TMEM131: variants seen among roughly 807,000 people sequenced by gnomAD.
TMEM131 encodes 2610524E03Rik.
In TMEM131, 66 loss-of-function variants were observed where a neutral mutation model predicts 211.6. The observed-to-expected ratio is 0.31, with a 90% CI of 0.26 to 0.38. TMEM131 has a LOEUF of 0.38. TMEM131 is among the 10% of genes least tolerant of loss of function. The probability of loss-of-function intolerance (pLI) is 1.00; values close to 1 mark genes in which losing one functional copy is unlikely to be tolerated. For synonymous variants in TMEM131, 844 were observed against 841.3 expected, an observed-to-expected ratio of 1.00 and a Z score of -0.06; for missense variants, 2,036 against 2,299.3, an observed-to-expected ratio of 0.89 and a Z score of 2.34.
At chr2:97,981,905 T>C (rs578001391) in intron 1 of TMEM131, among the ~76,000 whole-genome samples, 48 of 152,358 alleles carry the variant, frequency 3.2e-4, no homozygotes, top group African/African-American at 1.1e-3. Context: ...CTCATTTCTA[T>C]GGCTGAATAA....
intron 5 of TMEM131, among the ~76,000 whole-genome samples, chr2:97,850,995 C>G (rs908207806): frequency 1.3e-5 from 2 of 150,976 alleles, no homozygotes; most frequent in Admixed American, 1.3e-4. Context: ...CTGCCACTAT[C>G]GGAACTGGAC....
intron 1 of TMEM131, among the ~76,000 whole-genome samples, chr2:97,989,172 T>C (rs1483017625): frequency 1.3e-5 from 2 of 152,020 alleles, no homozygotes; most frequent in African/African-American, 4.8e-5. Context: ...TATTGAAATA[T>C]ATGTATGTTG....
chr2:97,903,676 G>GGTTT (rs151007374), intron 3 of TMEM131, among the ~76,000 whole-genome samples: 1 of 151,896 alleles, frequency 6.6e-6, no homozygotes, highest in African/African-American at 2.4e-5. Context: ...ACTCTAGCTG[G>GGTTT]GTTTGTTTGT....
At chr2:97,815,121 T>C in intron 13 of TMEM131, 78 bp downstream of exon 13, 1 of 752,824 alleles carries the variant, frequency 1.3e-6, no homozygotes, top group Non-Finnish European at 2.0e-6. Flanking sequence ...GGCTAGTATT[T>C]CTGCAGGTCA....
In TMEM131 at chr2:97,901,394, T is replaced by C. The variant is rs188090631; in HGVS notation, c.290+7264A>G. Reference sequence around the variant, plus strand: ...TCCATTTTGAGTTGATTTTTGTATATGGTGAGAGATAAGAGTTGACCCAGC... The same window carrying C: ...TCCATTTTGAGTTGATTTTTGTATACGGTGAGAGATAAGAGTTGACCCAGC... On this transcript the variant is annotated intron_variant, in intron 3 of 40. Coordinates refer to ENST00000186436, the MANE Select transcript of TMEM131 (RefSeq NM_015348.2). Among the ~76,000 whole-genome samples, 35 of 151,998 alleles carry C rather than the reference T, an allele frequency of 2.3e-4. No homozygotes were observed. The East Asian group carries it at 6.8e-3, about 29-fold the overall frequency.
In TMEM131 at chr2:97,899,749, A is replaced by G. The variant is rs12052910; in HGVS notation, c.290+8909T>C. ...GGAATTTATCCTACACATAAACTTTATATCTATCCCTTTCCCTATTTGACA... is the reference window on the plus strand; with the variant it reads ...GGAATTTATCCTACACATAAACTTTGTATCTATCCCTTTCCCTATTTGACA... On this transcript the variant is annotated intron_variant, in intron 3 of 40. Coordinates refer to ENST00000186436, the MANE Select transcript of TMEM131 (RefSeq NM_015348.2). Among the ~76,000 whole-genome samples, 54 of 152,236 alleles carry G rather than the reference A, an allele frequency of 3.5e-4. 1 individual carries two copies. In the East Asian group the frequency reaches 9.1e-3, roughly 26 times the overall value.
intron 31 of TMEM131, among the ~76,000 whole-genome samples, chr2:97,790,610 A>G (rs1680458139): frequency 6.6e-6 from 1 of 152,240 alleles, no homozygotes. Context: ...TGACACAGGA[A>G]TGAGGTAGTC....
At chr2:97,843,066 T>TAAA (rs750074318) in intron 6 of TMEM131, among the ~76,000 whole-genome samples, 3,028 of 134,498 alleles carry the variant, frequency 0.023, 125 homozygotes, top group African/African-American at 0.081. Flanking sequence ...AGGAAATGTT[T>TAAA]AAAAAAAAAA....
intron 1 of TMEM131, among the ~76,000 whole-genome samples, chr2:97,974,371 A>G (rs1445047939): frequency 3.9e-5 from 6 of 152,184 alleles, no homozygotes; most frequent in African/African-American, 1.4e-4. Flanking sequence ...TAATGCCTGC[A>G]GAACTGGAAT....
chr2:97,945,121 A>G (rs976575235), intron 1 of TMEM131, among the ~76,000 whole-genome samples: 3 of 152,198 alleles, frequency 2.0e-5, no homozygotes, highest in Non-Finnish European at 2.9e-5. Context: ...TTAATGGAGT[A>G]TTTTTCAGCC....
At chr2:97,785,687 G>A (rs1382928140) in intron 31 of TMEM131, among the ~76,000 whole-genome samples, 1 of 152,176 alleles carries the variant, frequency 6.6e-6, no homozygotes, top group African/African-American at 2.4e-5. Context: ...GAGAAATGAA[G>A]TTCTGTGTTC....
intron 26 of TMEM131, 115 bp downstream of exon 26, chr2:97,797,250 G>T: frequency 1.9e-6 from 2 of 1,078,688 alleles, no homozygotes; most frequent in Non-Finnish European, 2.7e-6. Flanking sequence ...TGCATGTTTT[G>T]GACAAAGTGA....
intron 4 of TMEM131, among the ~76,000 whole-genome samples, chr2:97,878,340 TCATTACTGGGTATATAC>T (rs1441961841): frequency 1.3e-5 from 2 of 152,162 alleles, no homozygotes; most frequent in Non-Finnish European, 2.9e-5. Flanking sequence ...CCCAGCAATC[TCATTACTGGGTATATAC>T]CCAAAGGACT....
At chr2:97,866,156 C>A (rs1674263878) in intron 4 of TMEM131, among the ~76,000 whole-genome samples, 1 of 152,218 alleles carries the variant, frequency 6.6e-6, no homozygotes, top group Non-Finnish European at 1.5e-5. Flanking sequence ...GCAGGGATTA[C>A]AGGCGTGAGC....
intron 4 of TMEM131, among the ~76,000 whole-genome samples, chr2:97,884,951 TC>T (rs1309332301): frequency 6.6e-6 from 1 of 152,260 alleles, no homozygotes; most frequent in African/African-American, 2.4e-5. Context: ...CATATTGTTC[TC>T]TGGATGTTTT....
intron 32 of TMEM131, among the ~76,000 whole-genome samples, chr2:97,772,840 T>C (rs1679531204): frequency 6.6e-6 from 1 of 152,358 alleles, no homozygotes; most frequent in Middle Eastern, 3.4e-3. Flanking sequence ...GGGGTTGCAG[T>C]GAGCTGAGAT....
intron 4 of TMEM131, among the ~76,000 whole-genome samples, chr2:97,877,631 G>C (rs745497746): frequency 6.6e-6 from 1 of 152,200 alleles, no homozygotes; most frequent in Non-Finnish European, 1.5e-5. Flanking sequence ...AATAAATGGT[G>C]TTGGGAAAAC....
chr2:97,810,501 G>A (rs1355062605), intron 18 of TMEM131, among the ~76,000 whole-genome samples: 3 of 152,096 alleles, frequency 2.0e-5, no homozygotes, highest in Non-Finnish European at 4.4e-5. Flanking sequence ...AAACATCTAT[G>A]AGGGCAAAGG....
intron 33 of TMEM131, among the ~76,000 whole-genome samples, chr2:97,769,080 C>G (rs1679339507): frequency 6.7e-6 from 1 of 149,478 alleles, no homozygotes; most frequent in African/African-American, 2.4e-5. Context: ...GGGCTCTATG[C>G]AGTCTCTAAC....
Sources: allele counts gnomAD v4.1 joint callset (sites outside exome capture counted in the v4.1 genomes callset), GRCh38; gene constraint gnomAD v4.1.1; transcripts MANE v1.5; gene names NCBI Gene and HGNC (gene_info 2026-07-23, HGNC 2026-07-21).